GREB1L: variants seen among roughly 807,000 people sequenced by gnomAD.
GREB1L encodes the protein GREB1-like protein.
A neutral mutation model predicts 200.8 loss-of-function variants in GREB1L; 17 were observed. The ratio of observed to expected loss-of-function variants is 0.08; its 90% CI spans 0.06 to 0.13. The LOEUF (loss-of-function observed/expected upper bound fraction) is 0.13, where lower values mean the gene tolerates loss of function less well. Among genes scored for constraint, GREB1L ranks in the 10% least tolerant of loss-of-function variants. GREB1L has a pLI of 1.00. For synonymous variants in GREB1L, 789 were observed against 893.0 expected (o/e 0.88, Z 2.08); for missense variants, 1,657 against 2,367.7 (o/e 0.70, Z 6.23).
At chr18:21,244,639 A>G (rs550486829) in intron 1 of GREB1L, among the ~76,000 whole-genome samples, 1 of 152,236 alleles carries the variant, frequency 6.6e-6, no homozygotes, top group Non-Finnish European at 1.5e-5. Context: ...TGGGGCGACA[A>G]AAAACATTCC....
At chr18:21,448,432 G>A (rs1049105232) in intron 11 of GREB1L, among the ~76,000 whole-genome samples, 4 of 152,120 alleles carry the variant, frequency 2.6e-5, no homozygotes, top group African/African-American at 9.7e-5. Context: ...AGAAAAGATG[G>A]GAAGGGCCAG....
At chr18:21,494,566 C>T (rs997426095) in intron 19 of GREB1L, among the ~76,000 whole-genome samples, 1 of 151,926 alleles carries the variant, frequency 6.6e-6, no homozygotes, top group African/African-American at 2.4e-5. Context: ...GGTATGGTAG[C>T]TCACACCTGT....
intron 1 of GREB1L, among the ~76,000 whole-genome samples, chr18:21,318,989 C>A (rs1001527374): frequency 2.0e-5 from 3 of 152,164 alleles, no homozygotes; most frequent in Non-Finnish European, 4.4e-5. Context: ...AGCTGCTTAG[C>A]CCCCGTGTAG....
Position 21,416,619 on chromosome 18 carries a change from G to A in GREB1L, c.832+12625G>A, listed in dbSNP as rs550596025. Among the ~76,000 whole-genome samples, 246 of 150,840 alleles carry A rather than the reference G, an allele frequency of 1.6e-3. 2 individuals are homozygous for A. Among genetic ancestry groups the A allele is most frequent in the African/African-American group, 5.7e-3 (236 of 41,076 alleles). Reference sequence around the variant, plus strand: ...TGAGGCAGGAGAATGGCGTGAACCCGGGAGGCAGAGCTTGCAGTGAGCCAA... The same window carrying A: ...TGAGGCAGGAGAATGGCGTGAACCCAGGAGGCAGAGCTTGCAGTGAGCCAA... On this transcript the variant is annotated intron_variant, in intron 7 of 32. Transcript: ENST00000424526.
intron 7 of GREB1L, among the ~76,000 whole-genome samples, chr18:21,415,454 A>G (rs928397416): frequency 2.0e-5 from 3 of 152,104 alleles, no homozygotes; most frequent in African/African-American, 2.4e-5. Context: ...GTGAGCTATG[A>G]TTGAACCACT....
chr18:21,478,125 C>T (rs1353499789), intron 17 of GREB1L, among the ~76,000 whole-genome samples: 2 of 152,122 alleles, frequency 1.3e-5, no homozygotes, highest in Admixed American at 1.3e-4. Context: ...TACTCTCTTG[C>T]TCCTCCAGCA....
intron 1 of GREB1L, among the ~76,000 whole-genome samples, chr18:21,250,589 G>T (rs1181689488): frequency 6.6e-6 from 1 of 152,210 alleles, no homozygotes; most frequent in African/African-American, 2.4e-5. Context: ...ACCTCTGCCT[G>T]TATAGGTTAG....
intron 1 of GREB1L, among the ~76,000 whole-genome samples, chr18:21,356,141 T>A (rs1323967748): frequency 2.2e-5 from 3 of 136,998 alleles, no homozygotes; most frequent in Non-Finnish European, 4.6e-5. Context: ...ACCCAACTAA[T>A]TTTTTTTTTT....
intron 27 of GREB1L, 31 bp from the exon 28 acceptor site, chr18:21,513,790 G>GA: frequency 6.5e-7 from 1 of 1,544,148 alleles, no homozygotes; most frequent in South Asian, 1.2e-5. Context: ...AGGATGTGTG[G>GA]ATATGCAGAT....
chr18:21,307,963 C>G (rs1368272092), intron 1 of GREB1L, among the ~76,000 whole-genome samples: 2 of 152,164 alleles, frequency 1.3e-5, no homozygotes, highest in Non-Finnish European at 2.9e-5. Context: ...AGCAGTATCC[C>G]TTTTAGTACC....
At chr18:21,490,714 T>A (rs577437983) in intron 19 of GREB1L, among the ~76,000 whole-genome samples, 8 of 152,312 alleles carry the variant, frequency 5.3e-5, no homozygotes, top group African/African-American at 1.7e-4. Flanking sequence ...CAGACCTCTG[T>A]GGGGTAATGT....
In GREB1L at chr18:21,511,942, G is replaced by C. The variant is rs184321589; in HGVS notation, c.4736-1879G>C. On this transcript the variant is annotated intron_variant, in intron 27 of 32. Coordinates refer to ENST00000424526, the MANE Select transcript of GREB1L (RefSeq NM_001142966.3). ...TTACAGGTGTGAGACATCGTGCCCAGCCCCCAACTGTGTTTGTTGACAAGA... is the reference window on the plus strand; with the variant it reads ...TTACAGGTGTGAGACATCGTGCCCACCCCCCAACTGTGTTTGTTGACAAGA... 5.9e-5 allele frequency among the ~76,000 whole-genome samples: 9 copies of C among 152,266 alleles called. No individual in the cohort carries two copies. The East Asian group carries it at 1.7e-3, about 29-fold the overall frequency.
chr18:21,420,256 C>G (rs761709337), intron 7 of GREB1L, among the ~76,000 whole-genome samples: 1 of 151,802 alleles, frequency 6.6e-6, no homozygotes, highest in Non-Finnish European at 1.5e-5. Context: ...CCTGTAATCC[C>G]AGCTACTCGG....
At chr18:21,396,289 C>A (rs2041062714) in intron 5 of GREB1L, among the ~76,000 whole-genome samples, 1 of 152,180 alleles carries the variant, frequency 6.6e-6, no homozygotes, top group Admixed American at 6.5e-5. Context: ...AGATGATCTG[C>A]CTGCCTTGGC....
At chr18:21,408,112 T>C (rs930529817) in intron 7 of GREB1L, among the ~76,000 whole-genome samples, 6 of 151,898 alleles carry the variant, frequency 4.0e-5, no homozygotes, top group African/African-American at 7.2e-5. Flanking sequence ...GAAGAGAAGA[T>C]TTGAATGTTC....
intron 14 of GREB1L, among the ~76,000 whole-genome samples, chr18:21,452,875 T>C (rs1295474499): frequency 6.6e-6 from 1 of 152,218 alleles, no homozygotes; most frequent in East Asian, 1.9e-4. Context: ...AAGCTGCTGC[T>C]GACAGCCACT....
chr18:21,524,554 T>C lies in GREB1L; in HGVS notation c.*1733T>C, dbSNP rs1261044809. On this transcript the variant is annotated 3_prime_UTR_variant, in exon 33 of 33. Transcript: ENST00000424526. ...TTGTTCCTGTTTTGTTGAAAGGGCCTAATGCAAATAATACCAAGAAACCCA... is the reference window on the plus strand; with the variant it reads ...TTGTTCCTGTTTTGTTGAAAGGGCCCAATGCAAATAATACCAAGAAACCCA... 6.6e-6 allele frequency: 1 copy of C among 152,192 alleles called. No homozygotes were observed. The highest frequency in any genetic ancestry group is 1.5e-5 in the Non-Finnish European group (1 of 68,026). 9.4% of individuals were successfully genotyped at this position (152,192 alleles called of 1,614,324 possible). A position where few individuals can be genotyped will look rare whatever the true frequency, so the allele number is the denominator to read the frequency against.
At chr18:21,280,391 CTTTTTTT>C in intron 1 of GREB1L, among the ~76,000 whole-genome samples, 2 of 139,162 alleles carry the variant, frequency 1.4e-5, no homozygotes, top group Non-Finnish European at 3.1e-5. Context: ...TCCTTTCTTT[CTTTTTTT>C]TTTTTTTTAC....
intron 1 of GREB1L, among the ~76,000 whole-genome samples, chr18:21,322,563 T>C (rs554867434): frequency 3.3e-5 from 5 of 152,132 alleles, no homozygotes; most frequent in African/African-American, 9.7e-5. Flanking sequence ...ACCAGAAAAA[T>C]TGATTCTCTA....
Sources: gnomAD v4.1 joint callset for allele counts (sites outside exome capture counted in the v4.1 genomes callset) on GRCh38, gnomAD v4.1.1 for gene constraint, MANE v1.5 for transcripts, NCBI Gene and HGNC (gene_info 2026-07-23, HGNC 2026-07-21) for gene names.